Variants in SFSWAP observed in about 807,000 individuals in gnomAD.
The protein encoded by SFSWAP is splicing factor, suppressor of white-apricot homolog.
A neutral mutation model predicts 100.7 loss-of-function variants in SFSWAP; 17 were observed. The observed-to-expected ratio is 0.17, with a 90% CI of 0.12 to 0.25. The LOEUF (loss-of-function observed/expected upper bound fraction) is 0.25, where lower values mean the gene tolerates loss of function less well. Ranked by LOEUF, SFSWAP falls within the 10% of genes least tolerant of loss-of-function variation. The pLI, the probability that SFSWAP is intolerant of heterozygous loss-of-function variation, is 1.00. For synonymous variants in SFSWAP, 504 were observed against 510.1 expected, an observed-to-expected ratio of 0.99 and a Z score of 0.16; for missense variants, 1,005 against 1,262.6, an observed-to-expected ratio of 0.80 and a Z score of 3.09.
chr12:131,749,361 G>T (rs1310632621), intron 7 of SFSWAP, among the ~76,000 whole-genome samples: 1 of 152,206 alleles, frequency 6.6e-6, no homozygotes, highest in Admixed American at 6.5e-5. Flanking sequence ...GACTAGTAAT[G>T]GCACAGTTAT....
intron 7 of SFSWAP, among the ~76,000 whole-genome samples, chr12:131,743,968 G>A (rs566825013): frequency 6.6e-6 from 1 of 152,330 alleles, no homozygotes; most frequent in East Asian, 1.9e-4. Flanking sequence ...CACAGCCTAA[G>A]CTGTACCTTG....
chr12:131,786,453 C>A lies in SFSWAP; in HGVS notation c.2409-10C>A. 1 of 1,584,574 alleles carries A rather than the reference C, an allele frequency of 6.3e-7. No individual in the cohort carries two copies. Among genetic ancestry groups the A allele is most frequent in the South Asian group, 1.2e-5 (1 of 86,944 alleles). On this transcript the variant is annotated splice_polypyrimidine_tract_variant and intron_variant, in intron 14 of 17. Transcript: ENST00000261674. ...CCACAGAGCTGAACACTGCCTCCTC[C>A]CCTGTCCAGGTCCCGCTCCCGGTCC...
chr12:131,766,528 C>A (rs1883133543), intron 13 of SFSWAP, among the ~76,000 whole-genome samples: 1 of 152,252 alleles, frequency 6.6e-6, no homozygotes, highest in South Asian at 2.1e-4. Flanking sequence ...CAGCAGCAAA[C>A]ACTGCCCGCG....
intron 7 of SFSWAP, among the ~76,000 whole-genome samples, chr12:131,729,214 T>A (rs2136191985): frequency 6.6e-6 from 1 of 152,260 alleles, no homozygotes; most frequent in South Asian, 2.1e-4. Flanking sequence ...TTAAAAAGGT[T>A]CACAGCAGGC....
intron 4 of SFSWAP, among the ~76,000 whole-genome samples, chr12:131,721,893 G>A (rs1026520386): frequency 3.3e-5 from 5 of 152,116 alleles, no homozygotes; most frequent in Admixed American, 6.6e-5. Flanking sequence ...TCTCATTTGC[G>A]TCTTTCATTT....
chr12:131,763,558 T>A (rs926639178), intron 11 of SFSWAP, among the ~76,000 whole-genome samples: 1 of 152,178 alleles, frequency 6.6e-6, no homozygotes, highest in Admixed American at 6.5e-5. Flanking sequence ...CTTCTGGATA[T>A]TCTAAGAGGA....
Position 131,711,957 on chromosome 12 carries a change from C to T in SFSWAP, c.218+510C>T. 6.4e-6 allele frequency: 1 copy of T among 156,808 alleles called. No homozygotes were observed. Among genetic ancestry groups the T allele is most frequent in the Non-Finnish European group, 1.4e-5 (1 of 70,470 alleles). 9.7% of individuals were successfully genotyped at this position (156,808 alleles called of 1,614,324 possible). A position where few individuals can be genotyped will look rare whatever the true frequency, so the allele number is the denominator to read the frequency against. On this transcript the variant is annotated intron_variant, in intron 1 of 17. Coordinates refer to ENST00000261674, the MANE Select transcript of SFSWAP (RefSeq NM_004592.4). This position sits in a 1 kb window ranked among gnomAD's most constrained non-coding sequence, Gnocchi z 4.9. ...GTGTCTCTTGGACCTGTGAGTTAGC[C>T]TTAACCTGTTATGCCCCCAGAGCCC...
intron 3 of SFSWAP, among the ~76,000 whole-genome samples, chr12:131,718,082 G>A (rs1878102056): frequency 6.6e-6 from 1 of 152,166 alleles, no homozygotes; most frequent in Admixed American, 6.5e-5. Context: ...GAAAGAACAG[G>A]GGACTCAAAC....
rs1877659606 is a variant in SFSWAP, at chr12:131,714,082, G to T, written c.230G>T (p.Arg77Leu). ...HKILIDRYDGRGHLHDLSEYD... is the reference protein window; with the variant it reads ...HKILIDRYDGLGHLHDLSEYD... ...TGTTCACATTACAGATATGATGGAC[G>T]TGGTCACCTGCATGACCTTTCTGAG... is the stretch of plus-strand genomic sequence containing the variant. Residue 77 changes from arginine to leucine, a missense_variant, in exon 2 of 18, where the codon CGT (arginine) becomes CTT (leucine). This residue lies in a region of SFSWAP where 237 missense variants were observed against 337.0 expected (regional missense o/e 0.70). Coordinates refer to ENST00000261674, the MANE Select transcript of SFSWAP (RefSeq NM_004592.4). This position sits in a 1 kb window ranked among gnomAD's most constrained non-coding sequence, Gnocchi z 6.0. 6.2e-7 allele frequency: 1 copy of T among 1,612,628 alleles called. No individual in the cohort carries two copies. Among genetic ancestry groups the T allele is most frequent in the South Asian group, 1.1e-5 (1 of 90,998 alleles).
chr12:131,738,965 C>T (rs1272284069), intron 7 of SFSWAP, among the ~76,000 whole-genome samples: 1 of 46,718 alleles, frequency 2.1e-5, no homozygotes, highest in Non-Finnish European at 4.7e-5. Context: ...GTGATCTTGG[C>T]TCACTGCAAC....
intron 8 of SFSWAP, among the ~76,000 whole-genome samples, chr12:131,753,728 A>G (rs1437629634): frequency 6.6e-6 from 1 of 152,224 alleles, no homozygotes; most frequent in Non-Finnish European, 1.5e-5. Context: ...AGGTTCATAA[A>G]GTTGACGCAG....
chr12:131,799,180 T>G, intron 17 of SFSWAP, 71 bp downstream of exon 17: 1 of 1,273,888 alleles, frequency 7.8e-7, no homozygotes, highest in Non-Finnish European at 1.1e-6. Flanking sequence ...TGTTGCTAAT[T>G]TTCATTCCCT....
intron 13 of SFSWAP, among the ~76,000 whole-genome samples, chr12:131,770,849 C>A (rs1883530145): frequency 6.6e-6 from 1 of 152,162 alleles, no homozygotes; most frequent in African/African-American, 2.4e-5. Context: ...TAACTCTCTG[C>A]CCTCCCCTCC....
intron 7 of SFSWAP, among the ~76,000 whole-genome samples, chr12:131,752,268 AG>A (rs1881732613): frequency 6.6e-6 from 1 of 152,254 alleles, no homozygotes; most frequent in African/African-American, 2.4e-5. Context: ...CCTAATAAAG[AG>A]GAAATTAAAT....
chr12:131,786,628 CA>C, intron 15 of SFSWAP, 40 bp downstream of exon 15: 1 of 1,562,604 alleles, frequency 6.4e-7, no homozygotes, highest in Non-Finnish European at 8.7e-7. Flanking sequence ...GGATGTGGGC[CA>C]GGTTTCCCTG....
chr12:131,727,670 T>C (rs986682356), intron 6 of SFSWAP, among the ~76,000 whole-genome samples: 2 of 152,144 alleles, frequency 1.3e-5, no homozygotes, highest in African/African-American at 2.4e-5. Flanking sequence ...AGTTGTGATA[T>C]CATCATAGGA....
intron 15 of SFSWAP, among the ~76,000 whole-genome samples, chr12:131,793,499 A>G (rs931025929): frequency 2.0e-5 from 3 of 152,196 alleles, no homozygotes; most frequent in Admixed American, 6.5e-5. Flanking sequence ...CTAAACAAAA[A>G]CTAGAACCAT....
intron 11 of SFSWAP, among the ~76,000 whole-genome samples, chr12:131,760,359 A>C (rs1417953346): frequency 6.6e-6 from 1 of 152,242 alleles, no homozygotes; most frequent in African/African-American, 2.4e-5. Context: ...TGACCTAGAG[A>C]AATAGACAAA....
chr12:131,717,548 A>G (rs1375203797), intron 3 of SFSWAP, among the ~76,000 whole-genome samples: 1 of 152,208 alleles, frequency 6.6e-6, no homozygotes, highest in Non-Finnish European at 1.5e-5. Flanking sequence ...TTTTTTGTAA[A>G]TAAAGGTATA....
Sources: gnomAD v4.1 joint callset for allele counts (sites outside exome capture counted in the v4.1 genomes callset) on GRCh38, gnomAD v4.1.1 for gene constraint, gnomAD v4.1.1 regional missense constraint, Gnocchi (gnomAD v3.1) non-coding constraint, MANE v1.5 for transcripts, NCBI Gene and HGNC (gene_info 2026-07-23, HGNC 2026-07-21) for gene names.